SMIM19: variants seen among roughly 807,000 people sequenced by gnomAD.
SMIM19 encodes UPF0697 protein C8orf40.
A neutral mutation model predicts 13.2 loss-of-function variants in SMIM19; 6 were observed. The ratio of observed to expected loss-of-function variants is 0.45; its 90% CI spans 0.25 to 0.90. SMIM19 has a LOEUF of 0.90. Among genes scored for constraint, SMIM19 ranks in the 40% least tolerant of loss-of-function variants. The pLI is 0.19. For synonymous variants in SMIM19, 46 were observed against 43.1 expected, an observed-to-expected ratio of 1.07 and a Z score of -0.27; for missense variants, 138 against 131.0, an observed-to-expected ratio of 1.05 and a Z score of -0.26.
intron 3 of SMIM19, among the ~76,000 whole-genome samples, chr8:42,549,279 GCGGGTGC>G: frequency 6.6e-6 from 1 of 152,156 alleles, no homozygotes; most frequent in Admixed American, 6.6e-5. Flanking sequence ...GGGCACACTT[GCGGGTGC>G]CTGTCATCCC....
intron 1 of SMIM19, among the ~76,000 whole-genome samples, chr8:42,544,321 G>C (rs180779872): frequency 3.8e-4 from 57 of 151,998 alleles, no homozygotes; most frequent in Non-Finnish European, 6.3e-4. Context: ...TGAGGCAGGG[G>C]AATGGTGTGA....
In SMIM19 at chr8:42,553,052, C is replaced by CTT. The variant is rs35145052; in HGVS notation, c.*462_*463dup. 67 of 121,504 alleles carry CTT rather than the reference C, an allele frequency of 5.5e-4. 1 individual carries two copies. Among genetic ancestry groups the CTT allele is most frequent in the Non-Finnish European group, 9.3e-4 (54 of 58,168 alleles). The allele number at this position is 121,504 out of a possible 1,614,324, so 7.5% of individuals were successfully genotyped here. On this transcript the variant is annotated 3_prime_UTR_variant, in exon 4 of 4. Coordinates refer to ENST00000417410, the MANE Select transcript of SMIM19 (RefSeq NM_001135674.2). ...ACAGATTAATTTGTTGTTAACAGCT[C>CTT]TTTTTTTTTTTTTTTTTTTGAGACA...
rs1813714656 is a variant in SMIM19 at position 42,552,755 on chromosome 8, T to G, written c.*147T>G. On this transcript the variant is annotated 3_prime_UTR_variant, in exon 4 of 4. Coordinates refer to ENST00000417410, the MANE Select transcript of SMIM19 (RefSeq NM_001135674.2). ...AATTGTTCTGTGCATTGTTTTGCCT[T>G]TTTAAATTACATCTCCAAGTGGCTC... The G allele has an allele frequency of 3.0e-5, 28 of 938,256 alleles. 1 individual carries two copies. In the South Asian group the frequency reaches 4.9e-4, roughly 16 times the overall value. 58.1% of individuals were successfully genotyped at this position (938,256 alleles called of 1,614,324 possible). A position where few individuals can be genotyped will look rare whatever the true frequency, so the allele number is the denominator to read the frequency against.
chr8:42,548,633 T>A (rs763248654), intron 2 of SMIM19, 23 bp from the exon 3 acceptor site: 1 of 1,612,642 alleles, frequency 6.2e-7, no homozygotes, highest in East Asian at 2.2e-5. Context: ...CAAACATCTC[T>A]TCTGCATGGA....
chr8:42,548,325 A>G (rs1456725274), intron 2 of SMIM19: 4 of 455,348 alleles, frequency 8.8e-6, no homozygotes, highest in African/African-American at 2.0e-5. Flanking sequence ...TCTGGATGTC[A>G]TGAAAGGGAG....
chr8:42,545,554 G>A (rs910483810), intron 1 of SMIM19, among the ~76,000 whole-genome samples: 28 of 152,036 alleles, frequency 1.8e-4, no homozygotes, highest in African/African-American at 6.5e-4. Context: ...TTTTTGAGAT[G>A]GAGTCCCGCT....
chr8:42,543,471 G>C (rs959703509), intron 1 of SMIM19, among the ~76,000 whole-genome samples: 11 of 152,174 alleles, frequency 7.2e-5, no homozygotes, highest in Non-Finnish European at 8.8e-5. Flanking sequence ...GCGCAGAAGA[G>C]TGACTTCATG....
At chr8:42,547,639 C>T (rs1813535058) in intron 2 of SMIM19, among the ~76,000 whole-genome samples, 2 of 152,156 alleles carry the variant, frequency 1.3e-5, no homozygotes, top group South Asian at 4.1e-4. Context: ...ACTTATTAAA[C>T]AATGTTAGTT....
chr8:42,552,686 A>C lies in SMIM19; in HGVS notation c.*78A>C, dbSNP rs1335446792. The C allele has an allele frequency of 2.1e-6, 3 of 1,461,180 alleles. No homozygotes were observed. The highest frequency in any genetic ancestry group is 4.6e-5 in the East Asian group (2 of 43,916). The allele number at this position is 1,461,180 out of a possible 1,614,324, so 90.5% of individuals were successfully genotyped here. A position where few individuals can be genotyped will look rare whatever the true frequency, so the allele number is the denominator to read the frequency against. On this transcript the variant is annotated 3_prime_UTR_variant, in exon 4 of 4. Transcript: ENST00000417410. Reference sequence around the variant, plus strand: ...TACTAAATCATGAACAGCTTTAAAAACATTTCTGTCTGCATAAAATTATTT... The same window carrying C: ...TACTAAATCATGAACAGCTTTAAAACCATTTCTGTCTGCATAAAATTATTT...
At position 42,542,297 on chromosome 8, in the gene SMIM19, G is replaced by A; in HGVS notation, c.-81G>A. The A allele has an allele frequency of 7.7e-6, 2 of 260,062 alleles. No individual in the cohort carries two copies. Among genetic ancestry groups the A allele is most frequent in the Non-Finnish European group, 1.2e-5 (2 of 166,768 alleles). The allele number at this position is 260,062 out of a possible 1,614,324, so 16.1% of individuals were successfully genotyped here. Reference sequence around the variant, plus strand: ...TAGTGCCGCCCAGCAGGGTTGTTGGGATAATTCAGTGACTCTGTGGACTGC... The same window carrying A: ...TAGTGCCGCCCAGCAGGGTTGTTGGAATAATTCAGTGACTCTGTGGACTGC... On this transcript the variant is annotated 5_prime_UTR_variant, in exon 1 of 4. Coordinates refer to ENST00000417410, the MANE Select transcript of SMIM19 (RefSeq NM_001135674.2).
intron 3 of SMIM19, 38 bp downstream of exon 3, chr8:42,548,818 A>G (rs978778807): frequency 6.4e-7 from 1 of 1,553,102 alleles, no homozygotes; most frequent in Non-Finnish European, 8.7e-7. Context: ...ACATATGCAC[A>G]TTTAAAATAG....
intron 1 of SMIM19, among the ~76,000 whole-genome samples, chr8:42,545,668 T>A (rs1404826060): frequency 6.6e-6 from 1 of 152,186 alleles, no homozygotes; most frequent in Non-Finnish European, 1.5e-5. Context: ...GTAGCTGGGA[T>A]TACAGTCACC....
chr8:42,549,404 T>TC (rs1302288583), intron 3 of SMIM19, among the ~76,000 whole-genome samples: 1 of 149,306 alleles, frequency 6.7e-6, no homozygotes, highest in Non-Finnish European at 1.5e-5. Flanking sequence ...AGAGCAAGAC[T>TC]CCGTCTCAAA....
rs1813189788 is a variant in SMIM19, at chr8:42,541,693, C to G, written c.-685C>G. 6.7e-6 allele frequency: 1 copy of G among 149,490 alleles called. No homozygotes were observed. The highest frequency in any genetic ancestry group is 1.5e-5 in the Non-Finnish European group (1 of 67,114). 9.3% of individuals were successfully genotyped at this position (149,490 alleles called of 1,614,324 possible). ...AGCAGCGCTGGCCGCGTGCCGCCTC[C>G]GGAGCCGGCAGCGTGAGTGGCCCCG... On this transcript the variant is annotated 5_prime_UTR_variant, in exon 1 of 4. Coordinates refer to ENST00000417410, the MANE Select transcript of SMIM19 (RefSeq NM_001135674.2).
chr8:42,551,311 C>CAAAA (rs35606576), intron 3 of SMIM19, among the ~76,000 whole-genome samples: 1 of 118,510 alleles, frequency 8.4e-6, no homozygotes. Context: ...GAGCGAGACT[C>CAAAA]AAAAAAAAAA....
At position 42,541,804 on chromosome 8, in the gene SMIM19, G is replaced by A. The variant is rs1411380439; in HGVS notation, c.-574G>A. On this transcript the variant is annotated 5_prime_UTR_variant, in exon 1 of 4. Transcript: ENST00000417410. ...CGCCCCGCCCCGGACGCGGGGGTAA[G>A]GGGGGTGGCCGCCCGCCTGCCCTCG... 2 of 150,390 alleles carry A rather than the reference G, an allele frequency of 1.3e-5. No homozygotes were observed. Among genetic ancestry groups the A allele is most frequent in the African/African-American group, 4.9e-5 (2 of 41,092 alleles). 9.3% of individuals were successfully genotyped at this position (150,390 alleles called of 1,614,324 possible). A position where few individuals can be genotyped will look rare whatever the true frequency, so the allele number is the denominator to read the frequency against.
rs760201086 is a variant in SMIM19 at position 42,546,515 on chromosome 8, G to A, written c.43G>A (p.Asp15Asn). 2.5e-6 allele frequency: 4 copies of A among 1,614,168 alleles called. No individual in the cohort carries two copies. Among genetic ancestry groups the A allele is most frequent in the Non-Finnish European group, 3.4e-6 (4 of 1,180,034 alleles). Reference protein sequence around the residue: ...YGVMGDDGSIDYTVHEAWNEA... With the variant: ...YGVMGDDGSINYTVHEAWNEA... ...AGTGATGGGTGACGATGGTTCTATTGATTATACTGTTCACGAAGCCTGGAA... is the reference window on the plus strand; with the variant it reads ...AGTGATGGGTGACGATGGTTCTATTAATTATACTGTTCACGAAGCCTGGAA... Residue 15 changes from aspartate (D) to asparagine (N), a missense_variant, in exon 2 of 4, where the codon GAT becomes AAT. Transcript: ENST00000417410.
chr8:42,551,406 C>T (rs1813673262), intron 3 of SMIM19, among the ~76,000 whole-genome samples: 1 of 151,696 alleles, frequency 6.6e-6, no homozygotes, highest in African/African-American at 2.4e-5. Flanking sequence ...TCTCTAGTTT[C>T]AAGTTAAGAC....
chr8:42,554,300 C>T lies in SMIM19; in HGVS notation c.*1692C>T, dbSNP rs933185273. ...AGCAACAAGGGGACAATCTTCTAAA[C>T]TTGCCTTTGCCTAGGAGAGCTACTG... On this transcript the variant is annotated 3_prime_UTR_variant, in exon 4 of 4. Transcript: ENST00000417410. The T allele has an allele frequency of 6.6e-5, 10 of 152,214 alleles. No individual in the cohort carries two copies. The highest frequency in any genetic ancestry group is 2.0e-4 in the Admixed American group (3 of 15,280). The allele number at this position is 152,214 out of a possible 1,614,324, so 9.4% of individuals were successfully genotyped here.
Sources: gnomAD v4.1 joint callset for allele counts (sites outside exome capture counted in the v4.1 genomes callset) on GRCh38, gnomAD v4.1.1 for gene constraint, MANE v1.5 for transcripts, NCBI Gene and HGNC (gene_info 2026-07-23, HGNC 2026-07-21) for gene names.